Variants in PCDH15 observed in about 807,000 individuals in gnomAD.
PCDH15 encodes protocadherin-15.
In PCDH15, 129 loss-of-function variants were observed where a neutral mutation model predicts 178.5. The ratio of observed to expected loss-of-function variants is 0.72; its 90% confidence interval spans 0.63 to 0.84. The LOEUF (loss-of-function observed/expected upper bound fraction) is 0.84. PCDH15 is among the 40% of genes least tolerant of loss of function. The pLI is 0.00. For missense variants in PCDH15, 2,230 were observed against 2,099.9 expected (o/e 1.06, Z -1.21); for synonymous variants, 800 against 732.0 (o/e 1.09, Z -1.50).
intron 3 of PCDH15, among the ~76,000 whole-genome samples, chr10:54,838,448 T>C (rs1251066584): frequency 6.6e-6 from 1 of 152,126 alleles, no homozygotes; most frequent in African/African-American, 2.4e-5. Context: ...TCTTCTGCCA[T>C]GATTGTAAAT....
intron 3 of PCDH15, among the ~76,000 whole-genome samples, chr10:54,856,575 A>T (rs1029830058): frequency 2.6e-5 from 4 of 152,154 alleles, no homozygotes; most frequent in Middle Eastern, 3.2e-3. Flanking sequence ...CTTCCCTAAT[A>T]TTCAAGCCAC....
chr10:55,491,207 C>T (rs1488546317), intron 2 of PCDH15, among the ~76,000 whole-genome samples: 1 of 151,626 alleles, frequency 6.6e-6, no homozygotes, highest in African/African-American at 2.4e-5. Context: ...ACAGAGGCTC[C>T]CTTGACCCCC....
At chr10:54,427,206 C>A (rs1956368671) in intron 3 of PCDH15, among the ~76,000 whole-genome samples, 1 of 129,476 alleles carries the variant, frequency 7.7e-6, no homozygotes, top group Non-Finnish European at 1.7e-5. Flanking sequence ...AGTAAGCTAT[C>A]TTATTTATCT....
intron 2 of PCDH15, among the ~76,000 whole-genome samples, chr10:55,099,240 T>C (rs1033036991): frequency 2.2e-4 from 33 of 152,132 alleles, no homozygotes; most frequent in African/African-American, 8.0e-4. Flanking sequence ...TAATTCAGTC[T>C]ACTTACAGCT....
At chr10:55,332,602 C>T (rs527421033) in intron 2 of PCDH15, among the ~76,000 whole-genome samples, 40 of 152,186 alleles carry the variant, frequency 2.6e-4, no homozygotes, top group African/African-American at 9.6e-4. Context: ...GTGTCCCCAC[C>T]CAAATCTCAT....
chr10:55,336,686 C>T (rs1461357302), intron 2 of PCDH15, among the ~76,000 whole-genome samples: 1 of 152,028 alleles, frequency 6.6e-6, no homozygotes, highest in African/African-American at 2.4e-5. Flanking sequence ...ATCCTCTACC[C>T]TTTCACCCCC....
chr10:53,836,174 T>C (rs530999991), intron 29 of PCDH15, among the ~76,000 whole-genome samples: 30 of 152,234 alleles, frequency 2.0e-4, no homozygotes, highest in African/African-American at 7.0e-4. Flanking sequence ...AGTAGAGGTC[T>C]ACTATGGATT....
At chr10:55,096,801 T>C (rs752239687) in intron 2 of PCDH15, among the ~76,000 whole-genome samples, 5 of 152,100 alleles carry the variant, frequency 3.3e-5, no homozygotes, top group Non-Finnish European at 7.4e-5. Context: ...ACTTTTTATA[T>C]AAGTAAAAAT....
chr10:55,139,149 T>C (rs1838281083), intron 2 of PCDH15, among the ~76,000 whole-genome samples: 1 of 152,106 alleles, frequency 6.6e-6, no homozygotes, highest in African/African-American at 2.4e-5. Flanking sequence ...TTATATATTT[T>C]GCTTTTTATT....
intron 14 of PCDH15, 104 bp from the exon 15 acceptor site, chr10:54,133,111 C>T: frequency 6.9e-7 from 1 of 1,455,780 alleles, no homozygotes; most frequent in Non-Finnish European, 9.5e-7. Context: ...GAAAAAATTT[C>T]CAAATTTTAT....
intron 1 of PCDH15, among the ~76,000 whole-genome samples, chr10:54,773,888 T>C (rs79585024): frequency 7.9e-5 from 12 of 151,974 alleles, no homozygotes; most frequent in Non-Finnish European, 1.5e-5. Flanking sequence ...TGATTTCTTA[T>C]GAAGTCAGCT....
chr10:54,535,302 G>T (rs991355732), intron 2 of PCDH15, among the ~76,000 whole-genome samples: 1 of 151,986 alleles, frequency 6.6e-6, no homozygotes, highest in Non-Finnish European at 1.5e-5. Context: ...ACCTCAATCT[G>T]TACTTTTAAA....
At chr10:55,272,120 A>G (rs1842460578) in intron 1 of PCDH15, among the ~76,000 whole-genome samples, 2 of 152,002 alleles carry the variant, frequency 1.3e-5, no homozygotes, top group Non-Finnish European at 2.9e-5. Context: ...AGCACATAAG[A>G]ATAGTAGGGA....
chr10:54,354,638 C>T (rs985343790), intron 5 of PCDH15, among the ~76,000 whole-genome samples: 1 of 152,082 alleles, frequency 6.6e-6, no homozygotes, highest in African/African-American at 2.4e-5. Flanking sequence ...TTGAAGATAT[C>T]GAGTTTTGAA....
intron 18 of PCDH15, among the ~76,000 whole-genome samples, chr10:54,044,963 G>T (rs1201163173): frequency 6.6e-6 from 1 of 152,026 alleles, no homozygotes; most frequent in Non-Finnish European, 1.5e-5. Flanking sequence ...TTCATCTCAT[G>T]GCAAAGTTAG....
intron 2 of PCDH15, among the ~76,000 whole-genome samples, chr10:55,336,169 A>G (rs1844387922): frequency 7.0e-6 from 1 of 142,862 alleles, no homozygotes; most frequent in Non-Finnish European, 1.5e-5. Flanking sequence ...AGAAGTTGGA[A>G]GTTCTCTCTG....
chr10:55,181,611 T>A (rs1410344961), intron 1 of PCDH15, among the ~76,000 whole-genome samples: 4 of 151,982 alleles, frequency 2.6e-5, no homozygotes, highest in Non-Finnish European at 5.9e-5. Flanking sequence ...GTGTCAACAT[T>A]TTTAAAGATC....
chr10:54,431,081 C>A (rs1286575608), intron 3 of PCDH15, among the ~76,000 whole-genome samples: 1 of 151,926 alleles, frequency 6.6e-6, no homozygotes, highest in African/African-American at 2.4e-5. Context: ...AAAAACTGAA[C>A]AACCAATAAC....
chr10:53,843,705 T>A, intron 28 of PCDH15, among the ~76,000 whole-genome samples: 1 of 152,070 alleles, frequency 6.6e-6, no homozygotes, highest in East Asian at 1.9e-4. Context: ...AAAAAAGTCT[T>A]CATATAAATC....
Sources: gnomAD v4.1 joint callset for allele counts (sites outside exome capture counted in the v4.1 genomes callset) on GRCh38, gnomAD v4.1.1 for gene constraint, MANE v1.5 for transcripts, NCBI Gene and HGNC (gene_info 2026-07-23, HGNC 2026-07-21) for gene names.